Variants in STK33 observed in about 807,000 individuals in gnomAD.
STK33 encodes the protein serine/threonine-protein kinase 33.
STK33 carries 52 observed loss-of-function variants against 58.0 expected under a neutral mutation model. That is an observed-to-expected ratio of 0.90 (90% CI 0.72 to 1.13). The LOEUF is 1.13. Ranked by LOEUF, STK33 falls within the 50% of genes most tolerant of loss-of-function variation. The pLI is 0.00. For missense variants in STK33, 630 were observed against 604.2 expected (o/e 1.04, Z -0.45); for synonymous variants, 215 against 200.1 (o/e 1.07, Z -0.63).
chr11:8,377,309 C>A, the STK33 span, among the ~76,000 whole-genome samples: 3 of 152,172 alleles, frequency 2.0e-5, no homozygotes, highest in South Asian at 4.1e-4. Context: ...CCCCTAAAAA[C>A]TGGCCAATTA....
intron 1 of STK33, among the ~76,000 whole-genome samples, chr11:8,501,801 G>A (rs1324928464): frequency 6.6e-6 from 1 of 152,058 alleles, no homozygotes; most frequent in Non-Finnish European, 1.5e-5. Context: ...TGAATAAGTT[G>A]CAAAAATGCC....
intron 1 of STK33, among the ~76,000 whole-genome samples, chr11:8,589,746 A>G (rs2032295463): frequency 6.6e-6 from 1 of 152,236 alleles, no homozygotes; most frequent in South Asian, 2.1e-4. Context: ...GAAAAGCAAT[A>G]AAGAAGTTAA....
chr11:8,513,044 CAATT>C (rs1475826193), intron 1 of STK33, among the ~76,000 whole-genome samples: 1 of 152,148 alleles, frequency 6.6e-6, no homozygotes, highest in Non-Finnish European at 1.5e-5. Flanking sequence ...CTACAAATGA[CAATT>C]GATTCTTTGG....
intron 1 of STK33, among the ~76,000 whole-genome samples, chr11:8,489,919 A>T (rs995190051): frequency 6.6e-6 from 1 of 152,216 alleles, no homozygotes; most frequent in Non-Finnish European, 1.5e-5. Context: ...CAAAAAGTAA[A>T]CAATTAAAAA....
chr11:8,343,515 TA>T, the STK33 span, among the ~76,000 whole-genome samples: 2 of 152,136 alleles, frequency 1.3e-5, no homozygotes, highest in South Asian at 4.1e-4. Flanking sequence ...CCAGACCACA[TA>T]AAGTACTGCT....
At chr11:8,423,155 T>C (rs926345952) in intron 14 of STK33, among the ~76,000 whole-genome samples, 3 of 151,446 alleles carry the variant, frequency 2.0e-5, no homozygotes, top group Non-Finnish European at 4.4e-5. Context: ...TTTCTGTTTC[T>C]TTCTTAATTT....
At chr11:8,408,468 T>A (rs1027705734) in intron 15 of STK33, among the ~76,000 whole-genome samples, 3 of 152,090 alleles carry the variant, frequency 2.0e-5, no homozygotes, top group African/African-American at 7.2e-5. Flanking sequence ...TGTGTGGGAG[T>A]AGAAGTAGGG....
chr11:8,457,035 T>C (rs1043446021), intron 9 of STK33, among the ~76,000 whole-genome samples: 2 of 152,214 alleles, frequency 1.3e-5, no homozygotes, highest in Non-Finnish European at 1.5e-5. Context: ...CAGATTCTAA[T>C]GTTATGATTA....
At chr11:8,526,334 A>G (rs1202081045) in intron 1 of STK33, among the ~76,000 whole-genome samples, 1 of 151,892 alleles carries the variant, frequency 6.6e-6, no homozygotes, top group Non-Finnish European at 1.5e-5. Flanking sequence ...AGAGGTTGCA[A>G]TGAGCCGAGA....
At chr11:8,349,499 C>T in the STK33 span, among the ~76,000 whole-genome samples, 2 of 152,172 alleles carry the variant, frequency 1.3e-5, no homozygotes, top group Non-Finnish European at 2.9e-5. Flanking sequence ...AGTCCTCTGC[C>T]CCAGTACCCT....
At chr11:8,436,240 T>C (rs532977603) in intron 12 of STK33, 101 bp from the exon 13 acceptor site, 2 of 617,288 alleles carry the variant, frequency 3.2e-6, no homozygotes, top group Non-Finnish European at 5.1e-6. Flanking sequence ...TTGCTTCATA[T>C]TTAAGGAAAG....
chr11:8,585,388 C>G (rs541923270), intron 1 of STK33, among the ~76,000 whole-genome samples: 1 of 150,828 alleles, frequency 6.6e-6, no homozygotes, highest in Non-Finnish European at 1.5e-5. Flanking sequence ...CTACACCCGG[C>G]TAATTTTTGT....
intron 1 of STK33, among the ~76,000 whole-genome samples, chr11:8,536,218 ATGTAT>A (rs763781640): frequency 6.6e-6 from 1 of 152,214 alleles, no homozygotes; most frequent in Non-Finnish European, 1.5e-5. Context: ...GTTAACAAAA[ATGTAT>A]TGTACTCAGG....
At chr11:8,350,882 C>T in the STK33 span, among the ~76,000 whole-genome samples, 3 of 152,138 alleles carry the variant, frequency 2.0e-5, no homozygotes, top group Non-Finnish European at 4.4e-5. Flanking sequence ...CAAGCCCTTC[C>T]GCAGAGTCAC....
chr11:8,351,171 C>A, the STK33 span, among the ~76,000 whole-genome samples: 1 of 152,156 alleles, frequency 6.6e-6, no homozygotes, highest in South Asian at 2.1e-4. Flanking sequence ...AAACCAAACG[C>A]CAATTCTATT....
At chr11:8,412,778 G>A (rs756992057) in intron 15 of STK33, among the ~76,000 whole-genome samples, 1 of 152,150 alleles carries the variant, frequency 6.6e-6, no homozygotes, top group South Asian at 2.1e-4. Context: ...AACACATACA[G>A]AGAAATTTTC....
At chr11:8,495,796 C>T (rs1394269444) in intron 1 of STK33, among the ~76,000 whole-genome samples, 1 of 152,092 alleles carries the variant, frequency 6.6e-6, no homozygotes, top group East Asian at 1.9e-4. Flanking sequence ...ATGTCCTTTG[C>T]AGGCACATGG....
chr11:8,461,959 A>T (rs765874993), intron 7 of STK33, 50 bp from the exon 8 acceptor site: 2 of 1,376,484 alleles, frequency 1.5e-6, no homozygotes, highest in East Asian at 5.1e-5. Context: ...TCACTCCTAC[A>T]TTCCTTGATA....
chr11:8,359,794 C>G, the STK33 span, among the ~76,000 whole-genome samples: 1 of 152,236 alleles, frequency 6.6e-6, no homozygotes, highest in Non-Finnish European at 1.5e-5. Flanking sequence ...GTGCAGTTGG[C>G]ACAGGGGTGG....
Sources: gnomAD v4.1 joint callset for allele counts (sites outside exome capture counted in the v4.1 genomes callset) on GRCh38, gnomAD v4.1.1 for gene constraint, MANE v1.5 for transcripts, NCBI Gene and HGNC (gene_info 2026-07-23, HGNC 2026-07-21) for gene names.